Variants in CADPS observed in about 807,000 individuals in gnomAD.
CADPS encodes the protein calcium dependent secretion activator.
In CADPS, 57 loss-of-function variants were observed where a neutral mutation model predicts 167.3. The observed-to-expected ratio is 0.34, with a 90% CI of 0.28 to 0.42. CADPS has a LOEUF of 0.42. CADPS is among the 20% of genes least tolerant of loss of function. The probability of loss-of-function intolerance (pLI) is 1.00; values close to 1 mark genes in which losing one functional copy is unlikely to be tolerated. For missense variants in CADPS, 1,414 were observed against 1,738.1 expected, an observed-to-expected ratio of 0.81 and a Z score of 3.32; for synonymous variants, 676 against 635.3, an observed-to-expected ratio of 1.06 and a Z score of -0.96.
chr3:62,775,020 G>A (rs4321525), intron 1 of CADPS, among the ~76,000 whole-genome samples: 82,326 of 150,596 alleles, frequency 0.55, 24,882 homozygotes, highest in East Asian at 0.86. Flanking sequence ...ACCCATAAGT[G>A]TTTTTTTTTT....
Position 62,478,107 on chromosome 3 carries a change from G to A in CADPS, c.3329+154C>T, listed in dbSNP as rs537437343. 19 of 767,580 alleles carry A rather than the reference G, an allele frequency of 2.5e-5. No individual in the cohort carries two copies. The highest frequency in any genetic ancestry group is 1.8e-4 in the East Asian group (7 of 38,556). The allele number at this position is 767,580 out of a possible 1,614,324, so 47.5% of individuals were successfully genotyped here. A position where few individuals can be genotyped will look rare whatever the true frequency, so the allele number is the denominator to read the frequency against. ...GAGGGCAGGTGAATGGAAGTTAGACGTTGACAGCCACTACTCCAGCTGACT... is the reference window on the plus strand; with the variant it reads ...GAGGGCAGGTGAATGGAAGTTAGACATTGACAGCCACTACTCCAGCTGACT... On this transcript the variant is annotated intron_variant, in intron 23 of 29. Transcript: ENST00000383710. The surrounding 1 kb of genome is among the most constrained non-coding windows in gnomAD (Gnocchi z 5.7).
At chr3:62,708,042 C>G (rs116604163) in intron 3 of CADPS, among the ~76,000 whole-genome samples, 12,030 of 152,058 alleles carry the variant, frequency 0.079, 624 homozygotes, top group Non-Finnish European at 0.12. Flanking sequence ...CCTCCCACCT[C>G]AGCCTTCTGA....
chr3:62,537,576 A>T (rs889849128), intron 11 of CADPS, among the ~76,000 whole-genome samples: 1 of 152,176 alleles, frequency 6.6e-6, no homozygotes, highest in Non-Finnish European at 1.5e-5. Context: ...TATCAAATCT[A>T]GCAAAAGATT....
chr3:62,509,886 T>A (rs1455532906), intron 17 of CADPS, among the ~76,000 whole-genome samples: 3 of 152,166 alleles, frequency 2.0e-5, no homozygotes, highest in Non-Finnish European at 4.4e-5. Flanking sequence ...AAATGCATGG[T>A]ATTTAAATTT....
At chr3:62,445,543 T>A (rs1343284764) in intron 27 of CADPS, among the ~76,000 whole-genome samples, 1 of 151,942 alleles carries the variant, frequency 6.6e-6, no homozygotes, top group Non-Finnish European at 1.5e-5. Context: ...AACAGGACCT[T>A]TCTTCCTGAT....
intron 3 of CADPS, among the ~76,000 whole-genome samples, chr3:62,730,663 G>A (rs1426380010): frequency 6.6e-6 from 1 of 152,194 alleles, no homozygotes; most frequent in African/African-American, 2.4e-5. Flanking sequence ...GCACCAGACT[G>A]GGAGACCAGA....
intron 11 of CADPS, among the ~76,000 whole-genome samples, chr3:62,545,916 T>C (rs977608327): frequency 5.3e-5 from 8 of 152,160 alleles, no homozygotes; most frequent in Non-Finnish European, 1.0e-4. Context: ...CTACGTAGCT[T>C]CCTTTTGTCT....
At chr3:62,739,573 T>C (rs1398697119) in intron 3 of CADPS, among the ~76,000 whole-genome samples, 1 of 152,208 alleles carries the variant, frequency 6.6e-6, no homozygotes, top group Non-Finnish European at 1.5e-5. Flanking sequence ...TCCCTATACA[T>C]AAGGATTTCA....
In CADPS at chr3:62,399,292, A is replaced by G. The variant is rs1258658751; in HGVS notation, c.*114T>C. On this transcript the variant is annotated 3_prime_UTR_variant, in exon 30 of 30. Coordinates refer to ENST00000383710, the MANE Select transcript of CADPS (RefSeq NM_003716.4). This position sits in a 1 kb window ranked among gnomAD's most constrained non-coding sequence, Gnocchi z 5.6. The stretch of plus-strand genomic sequence containing the variant: ...TAGCTAAAATGGCAGTTGTATTGAT[A>G]AACATCTCATGGGCATGGTAGTTGA... 7 of 951,410 alleles carry G rather than the reference A, an allele frequency of 7.4e-6. No individual in the cohort carries two copies. The South Asian group carries it at 1.0e-4, about 14-fold the overall frequency. The allele number at this position is 951,410 out of a possible 1,614,324, so 58.9% of individuals were successfully genotyped here.
At chr3:62,595,760 G>C in intron 6 of CADPS, among the ~76,000 whole-genome samples, 1 of 152,194 alleles carries the variant, frequency 6.6e-6, no homozygotes, top group South Asian at 2.1e-4. Flanking sequence ...GTGTGTTTGT[G>C]TGGGTGTTGC....
At position 62,669,350 on chromosome 3, in the gene CADPS, G is replaced by A. The variant is rs11924320; in HGVS notation, c.889-6956C>T. Among the ~76,000 whole-genome samples, 1,306 of 152,290 alleles carry A rather than the reference G, an allele frequency of 8.6e-3. 24 individuals carry two copies. The highest frequency in any genetic ancestry group is 0.029 in the African/African-American group (1,220 of 41,556). ...CCTCCTTCAGAGACAAGCTGCTCCA[G>A]CAAATGCTGCCTTCCTGGTGCACTG... On this transcript the variant is annotated intron_variant, in intron 3 of 29. Transcript: ENST00000383710.
intron 11 of CADPS, among the ~76,000 whole-genome samples, chr3:62,537,892 T>A (rs913511731): frequency 1.3e-5 from 2 of 152,102 alleles, no homozygotes; most frequent in Non-Finnish European, 2.9e-5. Context: ...TACCTCCTTA[T>A]TGTTTGACTT....
intron 1 of CADPS, among the ~76,000 whole-genome samples, chr3:62,841,869 T>G (rs1297935373): frequency 6.6e-6 from 1 of 152,212 alleles, no homozygotes; most frequent in African/African-American, 2.4e-5. Context: ...TGGCTTATGG[T>G]TCTCTCTCGC....
chr3:62,666,766 T>C (rs1380519688), intron 3 of CADPS, among the ~76,000 whole-genome samples: 5 of 152,060 alleles, frequency 3.3e-5, no homozygotes, highest in East Asian at 3.9e-4. Flanking sequence ...CCAGAGACAA[T>C]TGTCTCTAGC....
At chr3:62,612,675 C>G (rs2061664596) in intron 6 of CADPS, among the ~76,000 whole-genome samples, 1 of 152,180 alleles carries the variant, frequency 6.6e-6, no homozygotes, top group African/African-American at 2.4e-5. Flanking sequence ...TTGTGAGGAG[C>G]ACAAGATGAG....
chr3:62,783,635 A>G (rs536119737), intron 1 of CADPS, among the ~76,000 whole-genome samples: 7 of 152,316 alleles, frequency 4.6e-5, no homozygotes, highest in African/African-American at 1.7e-4. Context: ...TAGGGGAGGC[A>G]AGTTAAAAAA....
intron 3 of CADPS, among the ~76,000 whole-genome samples, chr3:62,682,019 G>A (rs548367072): frequency 7.4e-4 from 112 of 152,084 alleles, no homozygotes; most frequent in African/African-American, 2.3e-3. Flanking sequence ...ATTTATTGTC[G>A]GGCTGTCTTA....
intron 27 of CADPS, among the ~76,000 whole-genome samples, chr3:62,443,055 C>T (rs1178457134): frequency 6.6e-6 from 1 of 152,120 alleles, no homozygotes; most frequent in Non-Finnish European, 1.5e-5. Context: ...TCATTAATAG[C>T]TGGTAAAAAA....
intron 11 of CADPS, among the ~76,000 whole-genome samples, chr3:62,545,926 T>C (rs2076382654): frequency 6.6e-6 from 1 of 152,184 alleles, no homozygotes; most frequent in South Asian, 2.1e-4. Flanking sequence ...TCCTTTTGTC[T>C]TGTAAATACT....
Sources: gnomAD v4.1 joint callset for allele counts (sites outside exome capture counted in the v4.1 genomes callset) on GRCh38, gnomAD v4.1.1 for gene constraint, Gnocchi (gnomAD v3.1) non-coding constraint, MANE v1.5 for transcripts, NCBI Gene and HGNC (gene_info 2026-07-23, HGNC 2026-07-21) for gene names.